RORA: variants seen among roughly 807,000 people sequenced by gnomAD.
RORA encodes the protein nuclear receptor ROR-alpha.
A neutral mutation model predicts 69.5 loss-of-function variants in RORA; 7 were observed. The ratio of observed to expected loss-of-function variants is 0.10; its 90% CI spans 0.06 to 0.19. The LOEUF (loss-of-function observed/expected upper bound fraction) is 0.19. Among genes scored for constraint, RORA ranks in the 10% least tolerant of loss-of-function variants. RORA has a pLI of 1.00. For synonymous variants in RORA, 261 were observed against 240.8 expected (o/e 1.08, Z -0.78); for missense variants, 457 against 663.0 (o/e 0.69, Z 3.41).
At chr15:61,138,634 T>C (rs565311073) in intron 1 of RORA, among the ~76,000 whole-genome samples, 1 of 152,078 alleles carries the variant, frequency 6.6e-6, no homozygotes, top group African/African-American at 2.4e-5. Context: ...ACCCCATAGA[T>C]AGAGAAGCTC....
intron 1 of RORA, among the ~76,000 whole-genome samples, chr15:60,955,179 G>A (rs1009252619): frequency 2.6e-5 from 4 of 152,150 alleles, no homozygotes; most frequent in Admixed American, 2.0e-4. Context: ...ATGCATGCCT[G>A]TAATCCCAGC....
chr15:60,836,705 C>G (rs1026036072), intron 1 of RORA, among the ~76,000 whole-genome samples: 6 of 152,158 alleles, frequency 3.9e-5, no homozygotes, highest in Non-Finnish European at 8.8e-5. Context: ...TAGCTGGAGA[C>G]GCCTCCATTT....
At chr15:60,585,576 A>C (rs942734145) in intron 2 of RORA, among the ~76,000 whole-genome samples, 1 of 152,236 alleles carries the variant, frequency 6.6e-6, no homozygotes, top group African/African-American at 2.4e-5. Context: ...TTAGCTCATC[A>C]AATGACGACC....
chr15:60,501,058 A>G lies in RORA; in HGVS notation c.1195T>C (p.Phe399Leu). The change falls in exon 9 of 11, where the codon TTT becomes CTT. Residue 399 changes from phenylalanine to leucine, a missense_variant. Physicochemically the swap from Phe to Leu is conservative, Grantham distance 22. Coordinates refer to ENST00000335670, the MANE Select transcript of RORA (RefSeq NM_134261.3). ...DVFKSLGCED[F>L]ISFVFEFGKS... The stretch of plus-strand genomic sequence containing the variant: ...CCAAATTCAAACACAAAGCTAATAA[A>G]GTCTTCACAACCTGCCAAAATGAAA... The G allele has an allele frequency of 6.3e-7, 1 of 1,591,984 alleles. No homozygotes were observed. The highest frequency in any genetic ancestry group is 1.1e-5 in the South Asian group (1 of 90,044).
intron 1 of RORA, among the ~76,000 whole-genome samples, chr15:61,140,679 GA>G (rs577239288): frequency 1.5e-4 from 22 of 150,942 alleles, no homozygotes; most frequent in Non-Finnish European, 2.8e-4. Flanking sequence ...ATGGATGGGA[GA>G]AAAAAAAACC....
intron 1 of RORA, among the ~76,000 whole-genome samples, chr15:61,092,166 A>C (rs2078717389): frequency 6.6e-6 from 1 of 152,248 alleles, no homozygotes; most frequent in Non-Finnish European, 1.5e-5. Flanking sequence ...TTACAATAAA[A>C]TGTATAGTCA....
At chr15:61,172,692 A>C (rs557025656) in intron 1 of RORA, among the ~76,000 whole-genome samples, 1 of 152,380 alleles carries the variant, frequency 6.6e-6, no homozygotes, top group South Asian at 2.1e-4. Flanking sequence ...AAAATCGCCC[A>C]AAGTAAATAC....
intron 1 of RORA, among the ~76,000 whole-genome samples, chr15:60,990,529 C>G (rs796223876): frequency 6.9e-4 from 105 of 152,222 alleles, no homozygotes; most frequent in African/African-American, 2.5e-3. Context: ...AATGGCTGAT[C>G]AAACAGCCAA....
intron 1 of RORA, among the ~76,000 whole-genome samples, chr15:60,690,677 A>G (rs1299468026): frequency 6.6e-6 from 1 of 152,246 alleles, no homozygotes; most frequent in African/African-American, 2.4e-5. Flanking sequence ...TAGACTAAAG[A>G]AATTGTACCT....
chr15:60,569,891 T>G (rs546297640), intron 2 of RORA, among the ~76,000 whole-genome samples: 9 of 152,300 alleles, frequency 5.9e-5, no homozygotes, highest in African/African-American at 2.2e-4. Flanking sequence ...AGATATTAAC[T>G]GCAGCTAAAG....
At chr15:60,611,003 G>A (rs1321471035) in intron 2 of RORA, among the ~76,000 whole-genome samples, 1 of 152,178 alleles carries the variant, frequency 6.6e-6, no homozygotes, top group East Asian at 1.9e-4. Flanking sequence ...AGTAGATAAA[G>A]CTAAGAAGTC....
chr15:60,499,985 T>C lies in RORA; in HGVS notation c.1314A>G (p.Glu438=). The change falls in exon 10 of 11, where the codon GAA becomes GAG. Residue 438 remains glutamate, a synonymous_variant. Transcript: ENST00000335670. ...GTTGCAGTTTTTCAATTTTTACCTT[T>C]TCTTGCAGCCATGAGCGATCTAAGC... ...LMSADRSWLQ[E]KVKIEKLQQK... is the part of the protein sequence containing the mutation. The C allele has an allele frequency of 6.2e-7, 1 of 1,611,900 alleles. No individual in the cohort carries two copies.
At chr15:60,994,525 G>T (rs1894470751) in intron 1 of RORA, among the ~76,000 whole-genome samples, 1 of 152,174 alleles carries the variant, frequency 6.6e-6, no homozygotes, top group Admixed American at 6.5e-5. Flanking sequence ...CATTAGCCTG[G>T]CTTCCTGTTG....
Position 61,198,161 on chromosome 15 carries a change from T to TA in RORA, c.166+30891dup, listed in dbSNP as rs1424621448. ...GATAAATAACATTTTAGTGCAAATT[T>TA]AAAAAAATTGATATGGATGCAAACA... On this transcript the variant is annotated intron_variant, in intron 1 of 10. Coordinates refer to ENST00000335670, the MANE Select transcript of RORA (RefSeq NM_134261.3). Among the ~76,000 whole-genome samples, 7 of 152,124 alleles carry TA rather than the reference T, an allele frequency of 4.6e-5. 1 individual carries two copies. In the Middle Eastern group the frequency reaches 0.017, roughly 370 times the overall value.
chr15:60,681,343 CA>C (rs1026361933), intron 1 of RORA, among the ~76,000 whole-genome samples: 4 of 151,144 alleles, frequency 2.6e-5, no homozygotes, highest in African/African-American at 9.7e-5. Flanking sequence ...AGTAAATACT[CA>C]AAAAAGTTTT....
chr15:61,137,421 T>C (rs537905113), intron 1 of RORA, among the ~76,000 whole-genome samples: 1 of 152,364 alleles, frequency 6.6e-6, no homozygotes, highest in South Asian at 2.1e-4. Flanking sequence ...TTAACTTTCT[T>C]AAAGGAACAG....
At chr15:60,689,534 A>G (rs1181427018) in intron 1 of RORA, among the ~76,000 whole-genome samples, 1 of 152,136 alleles carries the variant, frequency 6.6e-6, no homozygotes, top group African/African-American at 2.4e-5. Context: ...CATCCCCCAG[A>G]AAGACATATT....
intron 1 of RORA, among the ~76,000 whole-genome samples, chr15:60,801,716 C>G (rs1416655847): frequency 2.0e-5 from 3 of 152,188 alleles, no homozygotes; most frequent in Non-Finnish European, 4.4e-5. Context: ...GCAGACCCCA[C>G]AAAGAAAACT....
chr15:61,170,987 T>G (rs1296177949), intron 1 of RORA, among the ~76,000 whole-genome samples: 1 of 152,208 alleles, frequency 6.6e-6, no homozygotes, highest in African/African-American at 2.4e-5. Context: ...ACTTTACAGG[T>G]GACGACAGTA....
Sources: gnomAD v4.1 joint callset for allele counts (sites outside exome capture counted in the v4.1 genomes callset) on GRCh38, gnomAD v4.1.1 for gene constraint, MANE v1.5 for transcripts, NCBI Gene and HGNC (gene_info 2026-07-23, HGNC 2026-07-21) for gene names.